Variants in TMEM184C observed in about 807,000 individuals in gnomAD.
TMEM184C encodes the protein transmembrane protein 184C, also known as transmembrane protein 34.
In TMEM184C, 25 loss-of-function variants were observed where a neutral mutation model predicts 54.5. The ratio of observed to expected loss-of-function variants is 0.46; its 90% CI spans 0.33 to 0.64. TMEM184C has a LOEUF of 0.64. TMEM184C is among the 30% of genes least tolerant of loss of function. The pLI is 0.02. For missense variants in TMEM184C, 335 were observed against 520.3 expected, an observed-to-expected ratio of 0.64 and a Z score of 3.46; for synonymous variants, 148 against 181.5, an observed-to-expected ratio of 0.82 and a Z score of 1.49.
At chr4:147,627,352 G>C (rs1385735522) in intron 4 of TMEM184C, among the ~76,000 whole-genome samples, 1 of 152,082 alleles carries the variant, frequency 6.6e-6, no homozygotes, top group East Asian at 1.9e-4. Flanking sequence ...ATACAGTGGC[G>C]TGATCTCAGC....
rs575247804 is a variant in TMEM184C, at chr4:147,628,684, G to GA, written c.572+258dup. Among the ~76,000 whole-genome samples the GA allele has an allele frequency of 2.7e-3, 403 of 150,104 alleles. 2 individuals are homozygous for GA. Among genetic ancestry groups the GA allele is most frequent in the Middle Eastern group, 0.017 (5 of 290 alleles). On this transcript the variant is annotated intron_variant, in intron 5 of 9. Transcript: ENST00000296582. ...GAGCTAGCTGGCCGTAAAGCACTTT[G>GA]AAAAAAAAATACCTTCTTTTTCAGA...
In TMEM184C at chr4:147,635,265, C is replaced by A. The variant is rs1286263652; in HGVS notation, c.*831C>A. ...TGTCTCATTCTTTAAACATTAAAAACCCTTAATATTTTAACAAAAATTTCT... is the reference window on the plus strand; with the variant it reads ...TGTCTCATTCTTTAAACATTAAAAAACCTTAATATTTTAACAAAAATTTCT... On this transcript the variant is annotated 3_prime_UTR_variant, in exon 10 of 10. Transcript: ENST00000296582. 6.6e-6 allele frequency: 1 copy of A among 152,010 alleles called. No homozygotes were observed. Among genetic ancestry groups the A allele is most frequent in the African/African-American group, 2.4e-5 (1 of 41,362 alleles). The allele number at this position is 152,010 out of a possible 1,614,324, so 9.4% of individuals were successfully genotyped here. A position where few individuals can be genotyped will look rare whatever the true frequency, so the allele number is the denominator to read the frequency against.
At chr4:147,629,722 G>C in intron 6 of TMEM184C, 30 bp downstream of exon 6, 1 of 1,479,002 alleles carries the variant, frequency 6.8e-7, no homozygotes. Flanking sequence ...TTCTTAAACT[G>C]TACTAAATTC....
In TMEM184C at chr4:147,636,431, T is replaced by A. The variant is rs558382779; in HGVS notation, c.*1997T>A. The A allele has an allele frequency of 1.3e-5, 2 of 152,022 alleles. No homozygotes were observed. Among genetic ancestry groups the A allele is most frequent in the African/African-American group, 4.8e-5 (2 of 41,402 alleles). 9.4% of individuals were successfully genotyped at this position (152,022 alleles called of 1,614,324 possible). On this transcript the variant is annotated 3_prime_UTR_variant, in exon 10 of 10. Transcript: ENST00000296582. ...ATGCTGGGAAAACTGCACTTCCACA[T>A]GCAAAACAATGAAATCAGACCCTTA...
intron 1 of TMEM184C, among the ~76,000 whole-genome samples, chr4:147,620,692 TGAGA>T (rs1560950741): frequency 6.6e-6 from 1 of 152,040 alleles, no homozygotes; most frequent in African/African-American, 2.4e-5. Flanking sequence ...GGAGAAGCAG[TGAGA>T]GAAAGGAACA....
rs1474956941 is a variant in TMEM184C, at chr4:147,635,328, A to T, written c.*894A>T. The stretch of plus-strand genomic sequence containing the variant: ...CAGTGAAAAAGAAGTCAAAAAAAAA[A>T]GTTCTACTTTTCATCAGTGCTATTA... On this transcript the variant is annotated 3_prime_UTR_variant, in exon 10 of 10. Transcript: ENST00000296582. 6.6e-6 allele frequency: 1 copy of T among 152,224 alleles called. No individual in the cohort carries two copies. The highest frequency in any genetic ancestry group is 1.9e-4 in the East Asian group (1 of 5,208). 9.4% of individuals were successfully genotyped at this position (152,224 alleles called of 1,614,324 possible). A position where few individuals can be genotyped will look rare whatever the true frequency, so the allele number is the denominator to read the frequency against.
rs2126557284 is a variant in TMEM184C at position 147,636,070 on chromosome 4, G to C, written c.*1636G>C. The C allele has an allele frequency of 6.6e-6, 1 of 152,002 alleles. No homozygotes were observed. The highest frequency in any genetic ancestry group is 1.9e-4 in the East Asian group (1 of 5,170). The allele number at this position is 152,002 out of a possible 1,614,324, so 9.4% of individuals were successfully genotyped here. A position where few individuals can be genotyped will look rare whatever the true frequency, so the allele number is the denominator to read the frequency against. ...TGGTCACACTACCCAAAGCAATTCA[G>C]AATCAATGCAATCCTATCAAAATTC... On this transcript the variant is annotated 3_prime_UTR_variant, in exon 10 of 10. Transcript: ENST00000296582.
intron 8 of TMEM184C, 103 bp from the exon 9 acceptor site, chr4:147,633,662 C>A: frequency 2.1e-6 from 2 of 941,086 alleles, no homozygotes; most frequent in Non-Finnish European, 2.9e-6. Context: ...AAAAACACAG[C>A]TGTTTATCTT....
At chr4:147,622,061 T>C (rs896694386) in intron 1 of TMEM184C, among the ~76,000 whole-genome samples, 10 of 150,394 alleles carry the variant, frequency 6.6e-5, no homozygotes. Context: ...CATGGCTCAC[T>C]GCAGCTTTGA....
chr4:147,628,462 T>C, intron 5 of TMEM184C, 27 bp downstream of exon 5: 1 of 1,587,058 alleles, frequency 6.3e-7, no homozygotes, highest in Non-Finnish European at 8.6e-7. Flanking sequence ...TATATGAACT[T>C]TTTTTTTCAT....
chr4:147,634,044 G>A (rs557986581), intron 9 of TMEM184C, 108 bp downstream of exon 9: 2,036 of 1,512,810 alleles, frequency 1.3e-3, no homozygotes, highest in Non-Finnish European at 1.7e-3. Flanking sequence ...CTTTAAAGCA[G>A]TACCACAGTG....
chr4:147,633,146 T>C, intron 8 of TMEM184C, 144 bp downstream of exon 8: 2 of 596,530 alleles, frequency 3.4e-6, no homozygotes, highest in South Asian at 2.8e-5. Context: ...CCTAGAGAAA[T>C]TGGCCATAAT....
chr4:147,629,656 G>A lies in TMEM184C; in HGVS notation c.630G>A (p.Trp210Ter). The A allele has an allele frequency of 6.3e-7, 1 of 1,593,614 alleles. No homozygotes were observed. Among genetic ancestry groups the A allele is most frequent in the East Asian group, 2.3e-5 (1 of 43,342 alleles). Reference sequence around the variant, plus strand: ...GGAACTTTAGCTTTTCAAATGCTTGGACTTATTTGGTTATAATAAACAACA... The same window carrying A: ...GGAACTTTAGCTTTTCAAATGCTTGAACTTATTTGGTTATAATAAACAACA... ...DEGNFSFSNA[W>*]TYLVIINNMS... Residue 210 changes from tryptophan (W) to a stop codon, truncating the protein, a stop_gained, in exon 6 of 10, where the codon TGG becomes TGA. Transcript: ENST00000296582. LOFTEE classifies it high-confidence loss of function.
Position 147,617,667 on chromosome 4 carries a change from G to C in TMEM184C, c.-290G>C, listed in dbSNP as rs564956557. On this transcript the variant is annotated 5_prime_UTR_variant, in exon 1 of 10. Transcript: ENST00000296582. Reference sequence around the variant, plus strand: ...AGGGCGATCCCCAGGTGAGGGCAGCGGCTCTGCCTGGGATTCCACCGCAGT... The same window carrying C: ...AGGGCGATCCCCAGGTGAGGGCAGCCGCTCTGCCTGGGATTCCACCGCAGT... 2.2e-5 allele frequency: 8 copies of C among 371,870 alleles called. No individual in the cohort carries two copies. Among genetic ancestry groups the C allele is most frequent in the African/African-American group, 1.7e-4 (8 of 48,116 alleles). 23.0% of individuals were successfully genotyped at this position (371,870 alleles called of 1,614,324 possible).
At position 147,635,198 on chromosome 4, in the gene TMEM184C, C is replaced by CAATA. The variant is rs1426074787; in HGVS notation, c.*770_*773dup. 5 of 152,124 alleles carry CAATA rather than the reference C, an allele frequency of 3.3e-5. No homozygotes were observed. Among genetic ancestry groups the CAATA allele is most frequent in the Admixed American group, 2.0e-4 (3 of 15,266 alleles). The allele number at this position is 152,124 out of a possible 1,614,324, so 9.4% of individuals were successfully genotyped here. On this transcript the variant is annotated 3_prime_UTR_variant, in exon 10 of 10. Transcript: ENST00000296582. ...CCCTATTCCTCAACTGAATGTCTTT[C>CAATA]AATAAATAAGAATTTATCATTTATT... is the stretch of plus-strand genomic sequence containing the variant.
At chr4:147,619,019 G>A (rs1732652699) in intron 1 of TMEM184C, among the ~76,000 whole-genome samples, 1 of 147,438 alleles carries the variant, frequency 6.8e-6, no homozygotes, top group Non-Finnish European at 1.5e-5. Flanking sequence ...ACAGGCATGC[G>A]CCATCACGCC....
In TMEM184C at chr4:147,635,186, C is replaced by G. The variant is rs2126556537; in HGVS notation, c.*752C>G. On this transcript the variant is annotated 3_prime_UTR_variant, in exon 10 of 10. Transcript: ENST00000296582. ...AAACAGTTATATCCCTATTCCTCAA[C>G]TGAATGTCTTTCAATAAATAAGAAT... is the stretch of plus-strand genomic sequence containing the variant. The G allele has an allele frequency of 6.6e-6, 1 of 152,314 alleles. No homozygotes were observed. The highest frequency in any genetic ancestry group is 2.1e-4 in the South Asian group (1 of 4,834). 9.4% of individuals were successfully genotyped at this position (152,314 alleles called of 1,614,324 possible). A position where few individuals can be genotyped will look rare whatever the true frequency, so the allele number is the denominator to read the frequency against.
chr4:147,627,981 A>G (rs1233198246), intron 4 of TMEM184C, among the ~76,000 whole-genome samples: 5 of 147,430 alleles, frequency 3.4e-5, no homozygotes, highest in Non-Finnish European at 7.4e-5. Flanking sequence ...TGGGCAACAT[A>G]GTGAGACCCC....
chr4:147,625,863 G>A (rs1732805549), intron 4 of TMEM184C, among the ~76,000 whole-genome samples: 3 of 152,150 alleles, frequency 2.0e-5, no homozygotes, highest in Admixed American at 6.5e-5. Context: ...CCAGCTGTGC[G>A]GGAGACAGGA....
Sources: gnomAD v4.1 joint callset for allele counts (sites outside exome capture counted in the v4.1 genomes callset) on GRCh38, gnomAD v4.1.1 for gene constraint, MANE v1.5 for transcripts, NCBI Gene and HGNC (gene_info 2026-07-23, HGNC 2026-07-21) for gene names.